The following RAB3GAP1 variants were observed in gnomAD, a reference collection of about 807,000 sequenced individuals.
RAB3GAP1 encodes RAB3 GTPase activating protein catalytic subunit 1.
RAB3GAP1 carries 86 observed loss-of-function variants against 130.7 expected under a neutral mutation model. The ratio of observed to expected loss-of-function variants is 0.66; its 90% CI spans 0.55 to 0.79. The LOEUF is 0.79. Among genes scored for constraint, RAB3GAP1 ranks in the 30% least tolerant of loss-of-function variants. The pLI is 0.00. For synonymous variants in RAB3GAP1, 367 were observed against 401.7 expected (o/e 0.91, Z 1.03); for missense variants, 1,029 against 1,169.4 (o/e 0.88, Z 1.75).
chr2:135,141,293 C>T (rs1190905601), intron 17 of RAB3GAP1, among the ~76,000 whole-genome samples: 8 of 147,880 alleles, frequency 5.4e-5, no homozygotes, highest in African/African-American at 1.5e-4. Context: ...GGTGTGGTCT[C>T]GGCTCACTGC....
At chr2:135,143,444 C>T (rs550703153) in intron 17 of RAB3GAP1, among the ~76,000 whole-genome samples, 1 of 151,158 alleles carries the variant, frequency 6.6e-6, no homozygotes, top group African/African-American at 2.4e-5. Context: ...TCATTGATTT[C>T]TTCTATTATT....
intron 5 of RAB3GAP1, among the ~76,000 whole-genome samples, chr2:135,093,926 G>C (rs537567584): frequency 5.3e-5 from 8 of 152,306 alleles, no homozygotes; most frequent in Non-Finnish European, 1.0e-4. Flanking sequence ...AGTCAGGCAA[G>C]ATGTACTCAG....
intron 17 of RAB3GAP1, among the ~76,000 whole-genome samples, chr2:135,150,147 G>A (rs1414103445): frequency 6.6e-6 from 1 of 151,952 alleles, no homozygotes; most frequent in Non-Finnish European, 1.5e-5. Flanking sequence ...AGGGAAACAT[G>A]GTAATCTTAT....
chr2:135,073,678 C>T (rs993947931), intron 3 of RAB3GAP1, among the ~76,000 whole-genome samples: 7 of 152,228 alleles, frequency 4.6e-5, no homozygotes, highest in South Asian at 2.1e-4. Flanking sequence ...TTTTCTTTCT[C>T]TTTAGCCCTG....
intron 13 of RAB3GAP1, among the ~76,000 whole-genome samples, chr2:135,131,336 C>A (rs1420018200): frequency 6.6e-6 from 1 of 152,156 alleles, no homozygotes; most frequent in East Asian, 1.9e-4. Flanking sequence ...AGCAATTCTC[C>A]TGCCTCAGCC....
intron 3 of RAB3GAP1, chr2:135,058,364 T>C: frequency 4.1e-6 from 1 of 242,382 alleles, no homozygotes; most frequent in Non-Finnish European, 7.8e-6. Context: ...GTGAGTGAAG[T>C]TTGCTTCTCT....
chr2:135,158,600 T>C (rs1692381170), intron 19 of RAB3GAP1, among the ~76,000 whole-genome samples: 1 of 152,182 alleles, frequency 6.6e-6, no homozygotes. Flanking sequence ...GTAGAGGATA[T>C]GTTGGAGTTG....
intron 3 of RAB3GAP1, among the ~76,000 whole-genome samples, chr2:135,090,118 C>A (rs1690103076): frequency 6.6e-6 from 1 of 152,106 alleles, no homozygotes; most frequent in African/African-American, 2.4e-5. Flanking sequence ...GTGTATCATA[C>A]ATGACAGTTC....
At chr2:135,172,262 T>G (rs958253930), downstream of RAB3GAP1, among the ~76,000 whole-genome samples, 2 of 151,248 alleles carry the variant, frequency 1.3e-5, no homozygotes, top group Non-Finnish European at 2.9e-5. Flanking sequence ...AAACCCCGTC[T>G]CTATTAAAAG....
intron 17 of RAB3GAP1, among the ~76,000 whole-genome samples, chr2:135,141,603 A>G (rs1447312313): frequency 6.6e-6 from 1 of 152,020 alleles, no homozygotes; most frequent in Non-Finnish European, 1.5e-5. Context: ...TGTTTTTCTT[A>G]TGTGGTTAGT....
intron 3 of RAB3GAP1, among the ~76,000 whole-genome samples, chr2:135,068,356 A>G (rs569909261): frequency 2.0e-5 from 3 of 152,226 alleles, no homozygotes; most frequent in East Asian, 3.9e-4. Flanking sequence ...TAAATTTGTG[A>G]TAAGTGAAAT....
intron 3 of RAB3GAP1, among the ~76,000 whole-genome samples, chr2:135,060,993 T>C (rs1027340341): frequency 2.1e-5 from 3 of 143,926 alleles, no homozygotes; most frequent in Admixed American, 7.2e-5. Context: ...TGTGAACCAC[T>C]GGGCCCAGCC....
intron 7 of RAB3GAP1, among the ~76,000 whole-genome samples, chr2:135,118,074 A>G (rs1484702277): frequency 6.6e-6 from 1 of 152,070 alleles, no homozygotes; most frequent in Admixed American, 6.5e-5. Context: ...TTCAACTCCT[A>G]GGCTCAAGCA....
At chr2:135,167,640 C>T in intron 23 of RAB3GAP1, 1 of 1,426,562 alleles carries the variant, frequency 7.0e-7, no homozygotes, top group Non-Finnish European at 9.5e-7. Context: ...CCTATTTAAA[C>T]CATCTTGCTT....
chr2:135,077,225 G>C (rs908157116), intron 3 of RAB3GAP1, among the ~76,000 whole-genome samples: 1 of 151,992 alleles, frequency 6.6e-6, no homozygotes, highest in Non-Finnish European at 1.5e-5. Context: ...AGATGAGATC[G>C]AGCCACTCCA....
intron 5 of RAB3GAP1, among the ~76,000 whole-genome samples, chr2:135,111,569 C>G (rs1159131480): frequency 6.6e-6 from 1 of 152,190 alleles, no homozygotes; most frequent in South Asian, 2.1e-4. Flanking sequence ...TGTGTTCTCA[C>G]ATTTAGAAAG....
chr2:135,079,954 A>G (rs928162813), intron 3 of RAB3GAP1, among the ~76,000 whole-genome samples: 2 of 152,036 alleles, frequency 1.3e-5, no homozygotes, highest in East Asian at 1.9e-4. Flanking sequence ...TGTCTCTACT[A>G]AAAATACAAA....
chr2:135,080,724 A>G (rs1044883659), intron 3 of RAB3GAP1, among the ~76,000 whole-genome samples: 2 of 152,160 alleles, frequency 1.3e-5, no homozygotes, highest in Non-Finnish European at 2.9e-5. Context: ...AGGTAGTTGA[A>G]TGTTCTCTGG....
chr2:135,057,557 G>C (rs1002475151), intron 2 of RAB3GAP1, among the ~76,000 whole-genome samples: 2 of 152,152 alleles, frequency 1.3e-5, no homozygotes, highest in African/African-American at 4.8e-5. Context: ...ACCACACCGG[G>C]CTAATTTTTT....
Sources: gnomAD v4.1 joint callset for allele counts (sites outside exome capture counted in the v4.1 genomes callset) on GRCh38, gnomAD v4.1.1 for gene constraint, MANE v1.5 for transcripts, NCBI Gene and HGNC (gene_info 2026-07-23, HGNC 2026-07-21) for gene names.